DEPTOR: variants seen among roughly 807,000 people sequenced by gnomAD.
DEPTOR encodes the protein DEP domain-containing mTOR-interacting protein.
DEPTOR carries 41 observed loss-of-function variants against 41.6 expected under a neutral mutation model. The ratio of observed to expected loss-of-function variants is 0.98; its 90% CI spans 0.77 to 1.28. The LOEUF (loss-of-function observed/expected upper bound fraction) is 1.28, where lower values mean the gene tolerates loss of function less well. Among genes scored for constraint, DEPTOR ranks in the 50% most tolerant of loss-of-function variants. The pLI is 0.00. For missense variants in DEPTOR, 514 were observed against 527.9 expected (o/e 0.97, Z 0.26); for synonymous variants, 195 against 192.3 (o/e 1.01, Z -0.12).
At chr8:119,948,363 G>C (rs1214873076) in intron 3 of DEPTOR, among the ~76,000 whole-genome samples, 2 of 152,128 alleles carry the variant, frequency 1.3e-5, no homozygotes, top group Non-Finnish European at 2.9e-5. Flanking sequence ...AGTGAGCCAA[G>C]ATCGTGCCAC....
chr8:119,892,831 G>A (rs1465108915), intron 1 of DEPTOR, among the ~76,000 whole-genome samples: 1 of 150,428 alleles, frequency 6.6e-6, no homozygotes, highest in African/African-American at 2.5e-5. Context: ...TGCCCAGGCT[G>A]GAGTGCAGTG....
chr8:119,953,883 C>G (rs1828385174), intron 3 of DEPTOR, among the ~76,000 whole-genome samples: 1 of 149,208 alleles, frequency 6.7e-6, no homozygotes. Context: ...TGGCTCACTG[C>G]AACCTCCACC....
chr8:119,958,672 C>T (rs954808401), intron 3 of DEPTOR, among the ~76,000 whole-genome samples: 1 of 152,028 alleles, frequency 6.6e-6, no homozygotes, highest in Non-Finnish European at 1.5e-5. Context: ...ATCCCAGCTG[C>T]TCAGGAGGCT....
intron 8 of DEPTOR, among the ~76,000 whole-genome samples, chr8:120,021,200 C>T (rs535441008): frequency 9.5e-4 from 143 of 151,058 alleles, no homozygotes; most frequent in African/African-American, 3.3e-3. Context: ...GTTATTAGTT[C>T]GAGACCAGCC....
At chr8:119,883,661 A>G (rs992193854) in intron 1 of DEPTOR, among the ~76,000 whole-genome samples, 7 of 152,118 alleles carry the variant, frequency 4.6e-5, no homozygotes, top group African/African-American at 1.2e-4. Context: ...CTTTCCACCT[A>G]TAACTCTCAG....
At chr8:119,946,267 T>A (rs1329152139) in intron 3 of DEPTOR, among the ~76,000 whole-genome samples, 1 of 152,158 alleles carries the variant, frequency 6.6e-6, no homozygotes. Flanking sequence ...AAAATCTGAA[T>A]AACATTTTTA....
At chr8:119,942,396 G>A (rs1302313925) in intron 3 of DEPTOR, among the ~76,000 whole-genome samples, 1 of 152,160 alleles carries the variant, frequency 6.6e-6, no homozygotes, top group Non-Finnish European at 1.5e-5. Context: ...AGTAGAGACG[G>A]GGTTTCGCAG....
chr8:119,953,284 G>A (rs1024830492), intron 3 of DEPTOR, among the ~76,000 whole-genome samples: 1 of 152,064 alleles, frequency 6.6e-6, no homozygotes, highest in Non-Finnish European at 1.5e-5. Flanking sequence ...GAACAGTTGT[G>A]TAGAAATATG....
At position 120,025,798 on chromosome 8, in the gene DEPTOR, C is replaced by A. The variant is rs185114269; in HGVS notation, c.1101+16665C>A. Among the ~76,000 whole-genome samples the A allele has an allele frequency of 2.3e-4, 35 of 151,958 alleles. 1 individual carries two copies. The highest frequency in any genetic ancestry group is 1.7e-3 in the Admixed American group (26 of 15,206). On this transcript the variant is annotated intron_variant, in intron 8 of 8. Coordinates refer to ENST00000286234, the MANE Select transcript of DEPTOR (RefSeq NM_022783.4). ...TGCTCTTGCACCCTTATCATCCATT[C>A]CCCACCAAGCAACCAAAGGAAATCA...
At chr8:119,930,082 A>C in intron 3 of DEPTOR, 144 bp downstream of exon 3, 1 of 975,006 alleles carries the variant, frequency 1.0e-6, no homozygotes, top group Non-Finnish European at 1.4e-6. Flanking sequence ...AAAACTATCA[A>C]GCATTTGCTG....
chr8:119,916,915 G>T (rs1460227657), intron 1 of DEPTOR, among the ~76,000 whole-genome samples: 7 of 152,218 alleles, frequency 4.6e-5, no homozygotes, highest in Non-Finnish European at 8.8e-5. Context: ...GCTGAGGCGT[G>T]TGCCGCCACA....
chr8:120,029,671 C>T (rs1373313063), intron 8 of DEPTOR, among the ~76,000 whole-genome samples: 2 of 152,188 alleles, frequency 1.3e-5, no homozygotes, highest in Non-Finnish European at 2.9e-5. Context: ...GCTGGGATTA[C>T]AGGCGTGAGC....
chr8:119,928,309 G>C, intron 1 of DEPTOR, 91 bp from the exon 2 acceptor site: 1 of 1,385,556 alleles, frequency 7.2e-7, no homozygotes, highest in Non-Finnish European at 9.9e-7. Flanking sequence ...CATGCCTTTA[G>C]AACTTCTGTT....
At chr8:119,981,923 G>A (rs1274459739) in intron 4 of DEPTOR, among the ~76,000 whole-genome samples, 1 of 147,958 alleles carries the variant, frequency 6.8e-6, no homozygotes, top group Non-Finnish European at 1.5e-5. Context: ...GCTGAGGCAG[G>A]AGAATCACTT....
rs187438581 is a variant in DEPTOR at position 119,941,209 on chromosome 8, A to G, written c.425+11271A>G. Among the ~76,000 whole-genome samples the G allele has an allele frequency of 1.6e-3, 240 of 152,124 alleles. 4 individuals carry two copies. The highest frequency in any genetic ancestry group is 7.1e-4 in the Non-Finnish European group (48 of 68,008). On this transcript the variant is annotated intron_variant, in intron 3 of 8. Coordinates refer to ENST00000286234, the MANE Select transcript of DEPTOR (RefSeq NM_022783.4). Reference sequence around the variant, plus strand: ...ACCAACATGGTGAAACCCCATCTCTACTAAATACAAAAAATTAGCCAGGCA... The same window carrying G: ...ACCAACATGGTGAAACCCCATCTCTGCTAAATACAAAAAATTAGCCAGGCA...
rs181941756 is a variant in DEPTOR, at chr8:119,880,577, G to A, written c.122+6609G>A. Among the ~76,000 whole-genome samples, 6 of 152,318 alleles carry A rather than the reference G, an allele frequency of 3.9e-5. No homozygotes were observed. The South Asian group carries it at 6.2e-4, about 16-fold the overall frequency. ...GTATATGAGAATATCACATTGCAGTGTGACAACTTTGGTAAATAAAAAAGT... is the reference window on the plus strand; with the variant it reads ...GTATATGAGAATATCACATTGCAGTATGACAACTTTGGTAAATAAAAAAGT... On this transcript the variant is annotated intron_variant, in intron 1 of 8. Transcript: ENST00000286234.
chr8:119,943,119 G>C (rs1209315358), intron 3 of DEPTOR, among the ~76,000 whole-genome samples: 1 of 152,162 alleles, frequency 6.6e-6, no homozygotes, highest in Non-Finnish European at 1.5e-5. Context: ...GGTTTCACCG[G>C]AGTCCATTGC....
intron 1 of DEPTOR, among the ~76,000 whole-genome samples, chr8:119,913,821 C>G (rs1293385025): frequency 6.6e-6 from 1 of 152,166 alleles, no homozygotes; most frequent in Non-Finnish European, 1.5e-5. Flanking sequence ...AGAGACAACA[C>G]AGGCCCTGGC....
intron 8 of DEPTOR, among the ~76,000 whole-genome samples, chr8:120,026,576 C>G (rs961933970): frequency 2.0e-5 from 3 of 152,028 alleles, no homozygotes; most frequent in Non-Finnish European, 2.9e-5. Flanking sequence ...CTCCTGACCT[C>G]CGGTGATCCA....
Sources: allele counts gnomAD v4.1 joint callset (sites outside exome capture counted in the v4.1 genomes callset), GRCh38; gene constraint gnomAD v4.1.1; transcripts MANE v1.5; gene names NCBI Gene and HGNC (gene_info 2026-07-23, HGNC 2026-07-21).